The following TTC29 variants were observed in gnomAD, a reference collection of about 807,000 sequenced individuals.
TTC29 encodes the protein tetratricopeptide repeat domain 29, also known as tetratricopeptide repeat protein 29.
A neutral mutation model predicts 58.1 loss-of-function variants in TTC29; 49 were observed. The ratio of observed to expected loss-of-function variants is 0.84; its 90% CI spans 0.67 to 1.07. TTC29 has a LOEUF of 1.07. Ranked by LOEUF, TTC29 falls within the 50% of genes least tolerant of loss-of-function variation. The pLI, the probability that TTC29 is intolerant of heterozygous loss-of-function variation, is 0.00. For missense variants in TTC29, 582 were observed against 555.6 expected, an observed-to-expected ratio of 1.05 and a Z score of -0.48; for synonymous variants, 209 against 196.8, an observed-to-expected ratio of 1.06 and a Z score of -0.52.
chr4:146,924,695 A>C (rs1734808710), intron 4 of TTC29, among the ~76,000 whole-genome samples: 1 of 151,400 alleles, frequency 6.6e-6, no homozygotes, highest in Non-Finnish European at 1.5e-5. Flanking sequence ...CATTAGTTTC[A>C]TGGGTTTTTT....
chr4:146,821,236 G>A (rs1196950688), intron 9 of TTC29, among the ~76,000 whole-genome samples: 1 of 152,112 alleles, frequency 6.6e-6, no homozygotes, highest in Non-Finnish European at 1.5e-5. Flanking sequence ...GACAAATAAT[G>A]GGTACAAGGT....
chr4:146,836,185 T>C (rs189544194), intron 8 of TTC29, among the ~76,000 whole-genome samples: 5 of 152,268 alleles, frequency 3.3e-5, no homozygotes, highest in African/African-American at 1.2e-4. Context: ...CAAGAATTAT[T>C]TGGGAACCTG....
chr4:146,739,472 C>G (rs1744959702), intron 11 of TTC29, among the ~76,000 whole-genome samples: 1 of 152,088 alleles, frequency 6.6e-6, no homozygotes, highest in Non-Finnish European at 1.5e-5. Context: ...GCATGATTTT[C>G]TTACAAATTA....
Position 146,903,596 on chromosome 4 carries a change from C to T in TTC29, c.534G>A (p.Gly178=), listed in dbSNP as rs747599626. 1.4e-5 allele frequency: 22 copies of T among 1,612,406 alleles called. No homozygotes were observed. In the South Asian group the frequency reaches 2.3e-4, roughly 17 times the overall value. The change falls in exon 6 of 13, where the codon GGG becomes GGA. Residue 178 remains glycine (G), a synonymous_variant. Transcript: ENST00000325106. ...GCATGTGTGCCTCGGCTTCTTTCTTCCCACAGTCAATTTTGATCAGCTGAG... is the reference window on the plus strand; with the variant it reads ...GCATGTGTGCCTCGGCTTCTTTCTTTCCACAGTCAATTTTGATCAGCTGAG... ...KIAQLIKIDC[G]KKEAEAHMHM... is the part of the protein sequence containing the mutation.
chr4:146,864,116 A>G (rs989806284), intron 8 of TTC29, among the ~76,000 whole-genome samples: 11 of 152,076 alleles, frequency 7.2e-5, no homozygotes, highest in African/African-American at 2.2e-4. Flanking sequence ...AGACCCTCAT[A>G]TTTAACTGTC....
chr4:146,918,700 C>T (rs1734393572), intron 4 of TTC29, among the ~76,000 whole-genome samples: 1 of 151,058 alleles, frequency 6.6e-6, no homozygotes, highest in African/African-American at 2.4e-5. Context: ...TATGTGCCCA[C>T]TTGCTCAAAG....
At chr4:146,928,986 A>T (rs1735129327) in intron 4 of TTC29, among the ~76,000 whole-genome samples, 1 of 152,172 alleles carries the variant, frequency 6.6e-6, no homozygotes, top group Admixed American at 6.6e-5. Flanking sequence ...GGAATTTTTT[A>T]AAAATCCAAA....
chr4:146,797,133 T>C (rs917002254), intron 11 of TTC29, among the ~76,000 whole-genome samples: 11 of 152,158 alleles, frequency 7.2e-5, no homozygotes, highest in African/African-American at 2.7e-4. Context: ...AGTTCAAATA[T>C]TGAGCTATGG....
intron 5 of TTC29, 130 bp from the exon 6 acceptor site, chr4:146,903,859 G>A (rs1274441373): frequency 1.8e-6 from 1 of 549,658 alleles, no homozygotes; most frequent in Non-Finnish European, 2.9e-6. Context: ...TAAAAATTGG[G>A]TCTAAAAGCA....
At chr4:146,892,364 C>A (rs1395903204) in intron 6 of TTC29, among the ~76,000 whole-genome samples, 1 of 152,140 alleles carries the variant, frequency 6.6e-6, no homozygotes, top group Non-Finnish European at 1.5e-5. Flanking sequence ...AGTCTCCATG[C>A]AAGGCTGGTT....
intron 11 of TTC29, among the ~76,000 whole-genome samples, chr4:146,730,938 GATTGTGAGGGTGAAAACT>G (rs1180519380): frequency 6.6e-6 from 1 of 152,154 alleles, no homozygotes; most frequent in East Asian, 1.9e-4. Context: ...AATTGGTAGA[GATTGTGAGGGTGAAAACT>G]ATTCTTTAAA....
chr4:146,748,898 T>G (rs1331390522), intron 11 of TTC29, among the ~76,000 whole-genome samples: 2 of 151,874 alleles, frequency 1.3e-5, no homozygotes, highest in Non-Finnish European at 2.9e-5. Flanking sequence ...CCCCGCAAAA[T>G]AGAAATCTAT....
At chr4:146,939,690 A>C (rs1333284061) in intron 3 of TTC29, 114 bp downstream of exon 3, 1 of 945,762 alleles carries the variant, frequency 1.1e-6, no homozygotes, top group Non-Finnish European at 1.6e-6. Context: ...TCAATATAAC[A>C]AGGCATTTTT....
rs911901714 is a variant in TTC29 at position 146,945,821 on chromosome 4, C to G, written c.-166G>C. 6.6e-6 allele frequency: 1 copy of G among 152,348 alleles called. No individual in the cohort carries two copies. Among genetic ancestry groups the G allele is most frequent in the Non-Finnish European group, 1.5e-5 (1 of 68,144 alleles). The allele number at this position is 152,348 out of a possible 1,614,324, so 9.4% of individuals were successfully genotyped here. A position where few individuals can be genotyped will look rare whatever the true frequency, so the allele number is the denominator to read the frequency against. On this transcript the variant is annotated 5_prime_UTR_variant, in exon 1 of 13. Coordinates refer to ENST00000325106, the MANE Select transcript of TTC29 (RefSeq NM_031956.4). Reference sequence around the variant, plus strand: ...CTGCCCCCTCCTCTCTCAGTGATTCCGAAGCCTGGCTCCGCCGGAGCGGAG... The same window carrying G: ...CTGCCCCCTCCTCTCTCAGTGATTCGGAAGCCTGGCTCCGCCGGAGCGGAG...
intron 11 of TTC29, among the ~76,000 whole-genome samples, chr4:146,772,338 G>C (rs572560533): frequency 1.3e-5 from 2 of 152,220 alleles, no homozygotes; most frequent in South Asian, 4.1e-4. Flanking sequence ...CCTATGTCCA[G>C]AATGGTATTT....
intron 9 of TTC29, among the ~76,000 whole-genome samples, chr4:146,827,321 G>A (rs1264467745): frequency 1.3e-5 from 2 of 152,192 alleles, no homozygotes; most frequent in African/African-American, 2.4e-5. Context: ...GGTTTATTCT[G>A]ATGGGAGCCC....
rs577659481 is a variant in TTC29, at chr4:146,862,207, T to G, written c.885+5291A>C. Among the ~76,000 whole-genome samples the G allele has an allele frequency of 5.3e-5, 8 of 151,666 alleles. No homozygotes were observed. The South Asian group carries it at 1.7e-3, about 31-fold the overall frequency. On this transcript the variant is annotated intron_variant, in intron 8 of 12. Transcript: ENST00000325106. ...TTGTGATTACATAACTGGTTAGATC[T>G]CCAATCAGGGAATCGATCCTACATA...
intron 11 of TTC29, among the ~76,000 whole-genome samples, chr4:146,785,330 C>T (rs1337355814): frequency 6.6e-6 from 1 of 151,792 alleles, no homozygotes; most frequent in Non-Finnish European, 1.5e-5. Flanking sequence ...TTTTAATACA[C>T]TTATTGAGGG....
rs563338792 is a variant in TTC29, at chr4:146,874,780, T to C, written c.735A>G (p.Leu245=). ...TGGCCTGTTTGTATTCTTTATTTTC[T>C]AGCATTTTGTCTGAGAGTAATCTGT... ...RTYRLLSDKM[L]ENKEYKQAIK... The change falls in exon 7 of 13, where the codon CTA becomes CTG. Residue 245 remains leucine (L), a synonymous_variant. Transcript: ENST00000325106. 1.9e-6 allele frequency: 3 copies of C among 1,611,198 alleles called. No homozygotes were observed. Among genetic ancestry groups the C allele is most frequent in the South Asian group, 2.2e-5 (2 of 90,656 alleles).
Sources: allele counts gnomAD v4.1 joint callset (sites outside exome capture counted in the v4.1 genomes callset), GRCh38; gene constraint gnomAD v4.1.1; transcripts MANE v1.5; gene names NCBI Gene and HGNC (gene_info 2026-07-23, HGNC 2026-07-21).